Variants in FAM151A observed in about 807,000 individuals in gnomAD.
FAM151A encodes protein FAM151A.
A neutral mutation model predicts 40.4 loss-of-function variants in FAM151A; 41 were observed. The ratio of observed to expected loss-of-function variants is 1.01; its 90% CI spans 0.79 to 1.32. The LOEUF is 1.32. Among genes scored for constraint, FAM151A ranks in the 40% most tolerant of loss-of-function variants. The pLI is 0.00. For missense variants in FAM151A, 740 were observed against 740.4 expected (o/e 1.00, Z 0.01); for synonymous variants, 337 against 312.5 (o/e 1.08, Z -0.83).
At chr1:54,610,058 G>T in intron 7 of FAM151A, 117 bp from the exon 8 acceptor site, 1 of 1,442,560 alleles carries the variant, frequency 6.9e-7, no homozygotes, top group Non-Finnish European at 9.1e-7. Context: ...TGCCTCTCTG[G>T]AATCTGTCAA....
rs201630556 is a variant in FAM151A at position 54,609,605 on chromosome 1, A to T, written c.1421T>A (p.Val474Glu). The change falls in exon 8 of 8, where the codon GTG (valine) becomes GAG (glutamate). Residue 474 changes from valine to glutamate, a missense_variant. By Grantham distance (121) the Val-to-Glu change is moderately radical. Coordinates refer to ENST00000302250, the MANE Select transcript of FAM151A (RefSeq NM_176782.3). ...LTAVAEVFPH[V>E]TVAPGWPEEV... Reference sequence around the variant, plus strand: ...CTCAGGCCAGCCTGGTGCCACAGTCACGTGGGGGAAGACCTCAGCCACAGC... The same window carrying T: ...CTCAGGCCAGCCTGGTGCCACAGTCTCGTGGGGGAAGACCTCAGCCACAGC... The T allele has an allele frequency of 1.5e-4, 236 of 1,613,300 alleles. No homozygotes were observed. The highest frequency in any genetic ancestry group is 1.7e-4 in the Non-Finnish European group (195 of 1,180,024).
intron 4 of FAM151A, among the ~76,000 whole-genome samples, chr1:54,613,805 C>T (rs1309556983): frequency 6.6e-6 from 1 of 152,082 alleles, no homozygotes; most frequent in Non-Finnish European, 1.5e-5. Context: ...TTGGAAGGCA[C>T]CTCAGCTTGA....
At chr1:54,614,997 GCAC>G (rs1644157918) in intron 3 of FAM151A, 138 bp from the exon 4 acceptor site, 5 of 810,816 alleles carry the variant, frequency 6.2e-6, no homozygotes, top group Non-Finnish European at 9.7e-6. Flanking sequence ...GGAAGGACCA[GCAC>G]CACATCCCTG....
intron 5 of FAM151A, 141 bp from the exon 6 acceptor site, chr1:54,611,886 G>T: frequency 1.1e-6 from 1 of 914,964 alleles, no homozygotes. Flanking sequence ...TTCTCCCTGA[G>T]TCCTACCCCT....
intron 2 of FAM151A, 144 bp downstream of exon 2, chr1:54,619,720 C>T: frequency 1.2e-6 from 1 of 819,436 alleles, no homozygotes; most frequent in South Asian, 1.7e-5. Context: ...CACTTAACCC[C>T]TCTGAGCCCC....
At chr1:54,612,427 G>T in intron 5 of FAM151A, 59 bp downstream of exon 5, 1 of 1,265,224 alleles carries the variant, frequency 7.9e-7, no homozygotes, top group Non-Finnish European at 1.1e-6. Context: ...GAGCTTCTGG[G>T]ATCTTGCTGG....
rs758812219 is a variant in FAM151A, at chr1:54,609,761, C to A, written c.1265G>T (p.Arg422Leu). 1.9e-6 allele frequency: 3 copies of A among 1,614,128 alleles called. No individual in the cohort carries two copies. Among genetic ancestry groups the A allele is most frequent in the Admixed American group, 3.3e-5 (2 of 60,028 alleles). The part of the protein sequence containing the change: ...HLQIAEPAAL[R>L]PSLALLARLS... ...GCGTGCCAGCAAGGCCAGGGATGGCCGGAGGGCTGCGGGCTCCGCTATTTG... is the reference window on the plus strand; with the variant it reads ...GCGTGCCAGCAAGGCCAGGGATGGCAGGAGGGCTGCGGGCTCCGCTATTTG... The change falls in exon 8 of 8, where the codon CGG (arginine) becomes CTG (leucine). Residue 422 changes from arginine to leucine, a missense_variant. Transcript: ENST00000302250.
At chr1:54,614,624 C>T in intron 4 of FAM151A, 76 bp downstream of exon 4, 1 of 1,471,420 alleles carries the variant, frequency 6.8e-7, no homozygotes, top group Admixed American at 2.0e-5. Flanking sequence ...TCAGAGGTCC[C>T]CTAAGATCCC....
At position 54,619,871 on chromosome 1, in the gene FAM151A, G is replaced by A. The variant is rs111721175; in HGVS notation, c.255C>T (p.Ala85=). ...AANSKKAMTA[A]LNSNITVLEA... ...CTTGGCAGCTGGACTTACTGTTCAG[G>A]GCAGCTGTCATGGCTTTCTTGCTGT... The change falls in exon 2 of 8, where the codon GCC becomes GCT. Residue 85 remains alanine (A), a synonymous_variant. Transcript: ENST00000302250. 326 of 1,613,896 alleles carry A rather than the reference G, an allele frequency of 2.0e-4. No individual in the cohort carries two copies. In the African/African-American group the frequency reaches 3.7e-3, roughly 18 times the overall value.
chr1:54,618,620 T>C (rs1254066522), intron 2 of FAM151A, among the ~76,000 whole-genome samples: 1 of 152,048 alleles, frequency 6.6e-6, no homozygotes, highest in African/African-American at 2.4e-5. Context: ...GAGAAAGAGA[T>C]GAGAGGAAAG....
Position 54,623,422 on chromosome 1 carries a change from A to C in FAM151A, c.-27T>G, listed in dbSNP as rs775124284. 1.9e-6 allele frequency: 3 copies of C among 1,574,320 alleles called. No individual in the cohort carries two copies. The Admixed American group carries it at 5.0e-5, about 26-fold the overall frequency. On this transcript the variant is annotated 5_prime_UTR_variant, in exon 1 of 8. Coordinates refer to ENST00000302250, the MANE Select transcript of FAM151A (RefSeq NM_176782.3). ...GCGACGCTCTCTGGGGAATGCCCCC[A>C]ACTCCGTGCGGCCCAGAGTCCCTGA...
intron 3 of FAM151A, among the ~76,000 whole-genome samples, chr1:54,615,693 G>A (rs57055904): frequency 0.012 from 1,799 of 152,210 alleles, 40 homozygotes; most frequent in African/African-American, 0.041. Context: ...GAGGGGAAGG[G>A]TGGGGCTGGG....
intron 2 of FAM151A, among the ~76,000 whole-genome samples, chr1:54,619,475 C>A (rs1644207562): frequency 6.6e-6 from 1 of 152,122 alleles, no homozygotes; most frequent in African/African-American, 2.4e-5. Context: ...CCCAGGAGAA[C>A]CTGTGTGTAA....
intron 3 of FAM151A, among the ~76,000 whole-genome samples, chr1:54,615,381 A>T (rs1644161839): frequency 6.6e-6 from 1 of 152,172 alleles, no homozygotes. Flanking sequence ...TTTCCTGAGG[A>T]CAATGGGGAG....
intron 1 of FAM151A, among the ~76,000 whole-genome samples, chr1:54,620,545 C>T (rs1472681425): frequency 1.3e-5 from 2 of 150,068 alleles, no homozygotes; most frequent in African/African-American, 4.9e-5. Context: ...GTCTCTACTA[C>T]ACATACAAAA....
intron 2 of FAM151A, among the ~76,000 whole-genome samples, chr1:54,619,540 G>C (rs1422017029): frequency 1.3e-5 from 2 of 152,202 alleles, no homozygotes; most frequent in African/African-American, 4.8e-5. Flanking sequence ...TTGAAGTGCA[G>C]ATTTCTGGCT....
chr1:54,620,970 G>A (rs188779318), intron 1 of FAM151A, among the ~76,000 whole-genome samples: 21 of 151,306 alleles, frequency 1.4e-4, no homozygotes, highest in Admixed American at 2.6e-4. Flanking sequence ...GACCAGCCTG[G>A]GCAACATGGC....
intron 6 of FAM151A, 35 bp downstream of exon 6, chr1:54,611,571 C>T (rs2101014670): frequency 6.2e-7 from 1 of 1,610,564 alleles, no homozygotes; most frequent in South Asian, 1.1e-5. Context: ...ATGCAGAATC[C>T]AGCCCACACC....
At position 54,612,700 on chromosome 1, in the gene FAM151A, G is replaced by A. The variant is rs1199063019; in HGVS notation, c.586C>T (p.Leu196=). Residue 196 remains leucine, a synonymous_variant, in exon 5 of 8, where the codon CTG becomes TTG. Transcript: ENST00000302250. ...TEVNATQFLA[L]VQEKYPKATL... Reference sequence around the variant, plus strand: ...GCCTTGGGATACTTCTCCTGGACCAGGGCCAGGAACCTGCAAAAAAATCAG... The same window carrying A: ...GCCTTGGGATACTTCTCCTGGACCAAGGCCAGGAACCTGCAAAAAAATCAG... The A allele has an allele frequency of 1.2e-6, 2 of 1,613,408 alleles. No individual in the cohort carries two copies.
Sources: gnomAD v4.1 joint callset for allele counts (sites outside exome capture counted in the v4.1 genomes callset) on GRCh38, gnomAD v4.1.1 for gene constraint, MANE v1.5 for transcripts, NCBI Gene and HGNC (gene_info 2026-07-23, HGNC 2026-07-21) for gene names.